SLC39A1: variants seen among roughly 807,000 people sequenced by gnomAD.
SLC39A1 encodes zinc transporter ZIP1.
SLC39A1 carries 17 observed loss-of-function variants against 21.4 expected under a neutral mutation model. The observed-to-expected ratio is 0.79, with a 90% CI of 0.54 to 1.19. SLC39A1 has a LOEUF of 1.19. Among genes scored for constraint, SLC39A1 ranks in the 50% most tolerant of loss-of-function variants. The pLI is 0.00. For synonymous variants in SLC39A1, 183 were observed against 185.9 expected, an observed-to-expected ratio of 0.98 and a Z score of 0.13; for missense variants, 343 against 399.8, an observed-to-expected ratio of 0.86 and a Z score of 1.21.
chr1:153,966,007 G>A (rs1237778681), upstream of SLC39A1, among the ~76,000 whole-genome samples: 1 of 151,896 alleles, frequency 6.6e-6, no homozygotes, highest in Non-Finnish European at 1.5e-5. Flanking sequence ...GACTGCAGAG[G>A]GTCCTTCCAG....
intron 3 of SLC39A1, among the ~76,000 whole-genome samples, chr1:153,961,063 G>A (rs913981027): frequency 2.6e-5 from 4 of 152,132 alleles, no homozygotes; most frequent in Non-Finnish European, 5.9e-5. Flanking sequence ...ATCACTTGAG[G>A]TCAGGAGTTT....
chr1:153,961,760 C>T (rs962529851), intron 3 of SLC39A1, among the ~76,000 whole-genome samples: 1 of 152,168 alleles, frequency 6.6e-6, no homozygotes, highest in Admixed American at 6.5e-5. Context: ...TATAATAAAC[C>T]AAGTCCTATG....
chr1:153,966,187 T>C (rs1057239889), upstream of SLC39A1, among the ~76,000 whole-genome samples: 8 of 152,206 alleles, frequency 5.3e-5, no homozygotes, highest in African/African-American at 1.9e-4. Flanking sequence ...GGAAGGCTGC[T>C]TTGTCTCTTC....
rs1647562794 is a variant in SLC39A1, at chr1:153,962,818, G to C, written c.-32-71C>G. The C allele has an allele frequency of 2.4e-6, 3 of 1,267,848 alleles. No individual in the cohort carries two copies. In the South Asian group the frequency reaches 4.8e-5, roughly 20 times the overall value. 78.5% of individuals were successfully genotyped at this position (1,267,848 alleles called of 1,614,324 possible). A position where few individuals can be genotyped will look rare whatever the true frequency, so the allele number is the denominator to read the frequency against. The stretch of plus-strand genomic sequence containing the variant: ...GATGGGGCAAGGAATGGGGAAGCTT[G>C]GTCAGCAGAGTGCAGCTCCCTGGCC... On this transcript the variant is annotated intron_variant, in intron 1 of 3. Transcript: ENST00000356205.
At chr1:153,965,426 C>CA (rs910283788), upstream of SLC39A1, among the ~76,000 whole-genome samples, 108 of 147,876 alleles carry the variant, frequency 7.3e-4, no homozygotes, top group African/African-American at 1.6e-3. Context: ...GACTCCGTCT[C>CA]AAAAAAAAAG....
upstream of SLC39A1, among the ~76,000 whole-genome samples, chr1:153,965,328 G>C (rs947994828): frequency 2.6e-5 from 4 of 152,098 alleles, no homozygotes; most frequent in African/African-American, 4.8e-5. Flanking sequence ...TCAGGAGGCT[G>C]AGGCAGGAGA....
At chr1:153,962,806 A>G in intron 1 of SLC39A1, 59 bp from the exon 2 acceptor site, 1 of 1,351,740 alleles carries the variant, frequency 7.4e-7, no homozygotes, top group Non-Finnish European at 9.8e-7. Context: ...GGGGCAAGGA[A>G]TGGGGAAGCT....
Position 153,960,095 on chromosome 1 carries a change from C to A in SLC39A1, c.*3G>T. On this transcript the variant is annotated 3_prime_UTR_variant, in exon 4 of 4. Transcript: ENST00000356205. ...ATCTCCCCTGCCCCTCTCTTGAAGC[C>A]CCCTAGATTTGGATGAAGAGCAGGC... The A allele has an allele frequency of 1.9e-6, 3 of 1,595,980 alleles. No homozygotes were observed. Among genetic ancestry groups the A allele is most frequent in the Non-Finnish European group, 2.6e-6 (3 of 1,169,576 alleles).
chr1:153,965,422 G>T (rs569636977), upstream of SLC39A1, among the ~76,000 whole-genome samples: 178 of 151,914 alleles, frequency 1.2e-3, no homozygotes, highest in African/African-American at 4.2e-3. Context: ...GCGAGACTCC[G>T]TCTCAAAAAA....
At chr1:153,966,179 A>G (rs1647770323), upstream of SLC39A1, among the ~76,000 whole-genome samples, 1 of 152,212 alleles carries the variant, frequency 6.6e-6, no homozygotes, top group South Asian at 2.1e-4. Flanking sequence ...TCAATCTAGG[A>G]AGGCTGCTTT....
intron 3 of SLC39A1, 23 bp downstream of exon 3, chr1:153,962,197 C>CACGTG (rs1446355776): frequency 1.2e-6 from 2 of 1,609,156 alleles, no homozygotes; most frequent in African/African-American, 2.7e-5. Flanking sequence ...TCCCGCAAGT[C>CACGTG]ACATGCCCAG....
chr1:153,965,712 G>T (rs1164555151), upstream of SLC39A1, among the ~76,000 whole-genome samples: 1 of 151,770 alleles, frequency 6.6e-6, no homozygotes, highest in Non-Finnish European at 1.5e-5. Flanking sequence ...TCGGCCTCCC[G>T]AGTAGCTGGG....
chr1:153,959,381 C>T lies in SLC39A1; in HGVS notation c.*717G>A. On this transcript the variant is annotated 3_prime_UTR_variant, in exon 4 of 4. Transcript: ENST00000356205. Reference sequence around the variant, plus strand: ...ATGGCTGCAACAACCTTCCTCCTACCCCAGCCCAGAAAATATTTCTGCCCC... The same window carrying T: ...ATGGCTGCAACAACCTTCCTCCTACTCCAGCCCAGAAAATATTTCTGCCCC... 5.0e-6 allele frequency: 2 copies of T among 398,060 alleles called. No homozygotes were observed. The highest frequency in any genetic ancestry group is 8.9e-6 in the Non-Finnish European group (2 of 225,868). 24.7% of individuals were successfully genotyped at this position (398,060 alleles called of 1,614,324 possible).
At position 153,962,262 on chromosome 1, in the gene SLC39A1, G is replaced by T. The variant is rs1647501962; in HGVS notation, c.276C>A (p.Tyr92Ter). The T allele has an allele frequency of 6.2e-7, 1 of 1,614,060 alleles. No individual in the cohort carries two copies. The highest frequency in any genetic ancestry group is 8.5e-7 in the Non-Finnish European group (1 of 1,180,028). The change falls in exon 3 of 4, where the codon TAC becomes TAA. Residue 92 changes from tyrosine to a stop codon, truncating the protein, a stop_gained. Coordinates refer to ENST00000356205, the MANE Select transcript of SLC39A1 (RefSeq NM_001271958.2). LOFTEE classifies it high-confidence loss of function. ...CCAGGGCCTCATCTATGGCAGCCAG[G>T]TAGTCAGGCAGCAGGTCCAGGAGAC... The part of the protein sequence containing the change: ...ATCLLDLLPD[Y>*]LAAIDEALAA...
chr1:153,965,701 C>T (rs1308758470), upstream of SLC39A1, among the ~76,000 whole-genome samples: 1 of 152,020 alleles, frequency 6.6e-6, no homozygotes, highest in Non-Finnish European at 1.5e-5. Flanking sequence ...ATTCTCCCGC[C>T]TCGGCCTCCC....
chr1:153,961,330 CTT>C (rs1211545602), intron 3 of SLC39A1, among the ~76,000 whole-genome samples: 2 of 152,144 alleles, frequency 1.3e-5, no homozygotes, highest in Non-Finnish European at 2.9e-5. Context: ...CCAGATAATT[CTT>C]TGTCATGGGA....
chr1:153,964,596 C>T (rs528652477), upstream of SLC39A1: 1 of 152,138 alleles, frequency 6.6e-6, no homozygotes, highest in South Asian at 2.1e-4. Flanking sequence ...ATGCTTCTCA[C>T]AAGGCTCCAG....
chr1:153,960,976 G>A (rs1203400461), intron 3 of SLC39A1, among the ~76,000 whole-genome samples: 1 of 152,100 alleles, frequency 6.6e-6, no homozygotes, highest in Admixed American at 6.5e-5. Context: ...CTCAGCTTTG[G>A]AACTATTAAC....
chr1:153,962,304 GC>G lies in SLC39A1; in HGVS notation c.233del (p.Gly78AlafsTer19). The G allele has an allele frequency of 6.2e-7, 1 of 1,614,086 alleles. No individual in the cohort carries two copies. The highest frequency in any genetic ancestry group is 8.5e-7 in the Non-Finnish European group (1 of 1,180,012). On this transcript the variant is annotated frameshift_variant, in exon 3 of 4. Transcript: ENST00000356205. LOFTEE classifies it high-confidence loss of function. ...CCAGGAGACAAGTGGCCAAAAAGAC[GC>G]CCCCCGCGAAACAGCTTACTAGGCT... ...ALSLVSCFAG[G>X]VFLATCLLDL...
Sources: gnomAD v4.1 joint callset for allele counts (sites outside exome capture counted in the v4.1 genomes callset) on GRCh38, gnomAD v4.1.1 for gene constraint, MANE v1.5 for transcripts, NCBI Gene and HGNC (gene_info 2026-07-23, HGNC 2026-07-21) for gene names.